Variants in NLGN1 observed in about 807,000 individuals in gnomAD.
The protein encoded by NLGN1 is neuroligin 1.
NLGN1 carries 12 observed loss-of-function variants against 65.5 expected under a neutral mutation model. That is an observed-to-expected ratio of 0.18 (90% CI 0.12 to 0.30). NLGN1 has a LOEUF of 0.30. Among genes scored for constraint, NLGN1 ranks in the 10% least tolerant of loss-of-function variants. NLGN1 has a pLI of 1.00. For synonymous variants in NLGN1, 350 were observed against 359.5 expected (o/e 0.97, Z 0.30); for missense variants, 750 against 1,007.1 (o/e 0.74, Z 3.46).
intron 4 of NLGN1, among the ~76,000 whole-genome samples, chr3:173,961,295 A>G (rs1290081813): frequency 1.3e-5 from 2 of 152,042 alleles, no homozygotes; most frequent in Non-Finnish European, 2.9e-5. Context: ...CGGTAGAAAC[A>G]ATTGTAGGAG....
chr3:173,474,346 C>G (rs1475083659), intron 2 of NLGN1, among the ~76,000 whole-genome samples: 1 of 152,104 alleles, frequency 6.6e-6, no homozygotes, highest in African/African-American at 2.4e-5. Context: ...CTGAAATTCA[C>G]AGATTGGAAA....
intron 4 of NLGN1, among the ~76,000 whole-genome samples, chr3:174,250,736 A>G (rs1054159764): frequency 1.3e-5 from 2 of 152,110 alleles, no homozygotes; most frequent in Non-Finnish European, 2.9e-5. Context: ...ATCATAAACA[A>G]TTTAAAAACT....
intron 3 of NLGN1, among the ~76,000 whole-genome samples, chr3:173,772,274 C>T (rs574947605): frequency 6.6e-6 from 1 of 152,018 alleles, no homozygotes; most frequent in East Asian, 1.9e-4. Context: ...CAAATTTGTT[C>T]ACATTTTCTC....
At chr3:173,646,140 T>G (rs1418716425) in intron 3 of NLGN1, among the ~76,000 whole-genome samples, 1 of 152,072 alleles carries the variant, frequency 6.6e-6, no homozygotes, top group Non-Finnish European at 1.5e-5. Context: ...GACACTTAGG[T>G]AGAAATTAGC....
At chr3:174,201,539 C>T (rs977786762) in intron 4 of NLGN1, among the ~76,000 whole-genome samples, 6 of 151,666 alleles carry the variant, frequency 4.0e-5, no homozygotes, top group African/African-American at 1.5e-4. Context: ...AGCATCACCC[C>T]CTCTCAGCAA....
chr3:173,781,016 C>T (rs1168037941), intron 3 of NLGN1, among the ~76,000 whole-genome samples: 4 of 151,458 alleles, frequency 2.6e-5, no homozygotes, highest in African/African-American at 9.7e-5. Flanking sequence ...TGGTGGCGGG[C>T]GCCTGTAGTC....
intron 2 of NLGN1, among the ~76,000 whole-genome samples, chr3:173,572,086 A>G (rs1443441730): frequency 1.3e-5 from 2 of 152,222 alleles, no homozygotes; most frequent in African/African-American, 2.4e-5. Context: ...ACATCTCCAC[A>G]TGCTATCAGG....
chr3:174,266,070 A>C (rs531629467), intron 4 of NLGN1, among the ~76,000 whole-genome samples: 9 of 140,720 alleles, frequency 6.4e-5, no homozygotes, highest in Admixed American at 2.1e-4. Context: ...TCCAACTTTT[A>C]TTTTAGGTGC....
rs187296069 is a variant in NLGN1, at chr3:174,115,091, G to C, written c.647-160224G>C. Among the ~76,000 whole-genome samples, 429 of 152,158 alleles carry C rather than the reference G, an allele frequency of 2.8e-3. 2 individuals are homozygous for C. Among genetic ancestry groups the C allele is most frequent in the African/African-American group, 9.9e-3 (410 of 41,512 alleles). The stretch of plus-strand genomic sequence containing the variant: ...CTAAAATGGTCCTGGGATTGTGGAC[G>C]GTCTCTTTCAAAATTAATTATATTT... On this transcript the variant is annotated intron_variant, in intron 4 of 6. Transcript: ENST00000457714.
rs77538092 is a variant in NLGN1 at position 173,806,214 on chromosome 3, C to T, written c.494-1466C>T. 4.5e-4 allele frequency among the ~76,000 whole-genome samples: 69 copies of T among 152,274 alleles called. No individual in the cohort carries two copies. The East Asian group carries it at 0.013, about 28-fold the overall frequency. Reference sequence around the variant, plus strand: ...AAATCTGGGCAAACAAGCTGAGCTGCAATCCTTGACCTAAAATGATTCTTC... The same window carrying T: ...AAATCTGGGCAAACAAGCTGAGCTGTAATCCTTGACCTAAAATGATTCTTC... On this transcript the variant is annotated intron_variant, in intron 3 of 6. Transcript: ENST00000457714.
intron 4 of NLGN1, among the ~76,000 whole-genome samples, chr3:173,904,264 CTCTCCTT>C (rs1378183134): frequency 6.6e-6 from 1 of 151,912 alleles, no homozygotes; most frequent in Admixed American, 6.6e-5. Context: ...CTCCTTTTAT[CTCTCCTT>C]TCTCCTTTCC....
chr3:173,930,065 AC>A, intron 4 of NLGN1, among the ~76,000 whole-genome samples: 1 of 152,180 alleles, frequency 6.6e-6, no homozygotes, highest in Non-Finnish European at 1.5e-5. Flanking sequence ...TGGCAAAAAA[AC>A]AAAAACAAAA....
At chr3:173,892,829 C>T (rs1735610984) in intron 4 of NLGN1, among the ~76,000 whole-genome samples, 1 of 152,142 alleles carries the variant, frequency 6.6e-6, no homozygotes, top group African/African-American at 2.4e-5. Context: ...CCGTCATAAC[C>T]CCACAGTTAG....
intron 3 of NLGN1, among the ~76,000 whole-genome samples, chr3:173,722,636 CA>C (rs1479052446): frequency 6.6e-6 from 1 of 152,144 alleles, no homozygotes; most frequent in Non-Finnish European, 1.5e-5. Context: ...GCAGGCACTG[CA>C]GCCACATCAA....
chr3:173,405,067 A>G (rs891310583), intron 1 of NLGN1, among the ~76,000 whole-genome samples: 1 of 152,122 alleles, frequency 6.6e-6, no homozygotes, highest in Non-Finnish European at 1.5e-5. Context: ...ATTTAAAAAA[A>G]TTTATCCTAT....
intron 3 of NLGN1, among the ~76,000 whole-genome samples, chr3:173,664,193 T>C (rs919931668): frequency 3.3e-5 from 5 of 152,108 alleles, no homozygotes; most frequent in Admixed American, 6.6e-5. Context: ...ATAAAAATCA[T>C]ACTTTTTTGC....
At chr3:173,750,117 A>T (rs1356389861) in intron 3 of NLGN1, among the ~76,000 whole-genome samples, 2 of 152,032 alleles carry the variant, frequency 1.3e-5, no homozygotes, top group Non-Finnish European at 2.9e-5. Flanking sequence ...TCCCTGGTGG[A>T]TGCTGTCCTG....
chr3:174,179,023 G>A (rs1232526078), intron 4 of NLGN1, among the ~76,000 whole-genome samples: 2 of 152,016 alleles, frequency 1.3e-5, no homozygotes, highest in African/African-American at 4.8e-5. Flanking sequence ...TTTTAAGTCA[G>A]TAGTTATTAT....
At chr3:174,189,132 C>A (rs1340924158) in intron 4 of NLGN1, among the ~76,000 whole-genome samples, 4 of 151,906 alleles carry the variant, frequency 2.6e-5, no homozygotes, top group Non-Finnish European at 5.9e-5. Flanking sequence ...GGTGTTTGAA[C>A]CTTTGGACCA....
Sources: allele counts gnomAD v4.1 joint callset (sites outside exome capture counted in the v4.1 genomes callset), GRCh38; gene constraint gnomAD v4.1.1; transcripts MANE v1.5; gene names NCBI Gene and HGNC (gene_info 2026-07-23, HGNC 2026-07-21).